Variants in TRIM33 observed in about 807,000 individuals in gnomAD.
TRIM33 encodes the protein E3 ubiquitin-protein ligase TRIM33.
In TRIM33, 20 loss-of-function variants were observed where a neutral mutation model predicts 125.4. That is an observed-to-expected ratio of 0.16 (90% CI 0.11 to 0.23). TRIM33 has a LOEUF of 0.23. Ranked by LOEUF, TRIM33 falls within the 10% of genes least tolerant of loss-of-function variation. The pLI, the probability that TRIM33 is intolerant of heterozygous loss-of-function variation, is 1.00. For synonymous variants in TRIM33, 564 were observed against 513.9 expected (o/e 1.10, Z -1.32); for missense variants, 920 against 1,411.4 (o/e 0.65, Z 5.58).
intron 1 of TRIM33, among the ~76,000 whole-genome samples, chr1:114,506,403 T>C (rs957979146): frequency 7.7e-6 from 1 of 129,824 alleles, no homozygotes; most frequent in South Asian, 2.5e-4. Flanking sequence ...AAAAAAAAAA[T>C]AGCAGAACCC....
At chr1:114,486,509 T>G (rs1370009012) in intron 1 of TRIM33, among the ~76,000 whole-genome samples, 2 of 133,758 alleles carry the variant, frequency 1.5e-5, no homozygotes, top group African/African-American at 2.9e-5. Flanking sequence ...ATCACACCAC[T>G]GCACTCCAGC....
intron 4 of TRIM33, among the ~76,000 whole-genome samples, chr1:114,448,824 G>A (rs568148598): frequency 1.6e-3 from 251 of 152,200 alleles, no homozygotes; most frequent in African/African-American, 5.9e-3. Flanking sequence ...TGGCCACAGA[G>A]AGGAATGCTT....
chr1:114,504,488 C>G (rs915040570), intron 1 of TRIM33, among the ~76,000 whole-genome samples: 1 of 152,170 alleles, frequency 6.6e-6, no homozygotes, highest in Non-Finnish European at 1.5e-5. Context: ...TCCATCATTG[C>G]TTTTGCACCA....
chr1:114,442,631 T>C (rs1332978456), intron 4 of TRIM33, among the ~76,000 whole-genome samples: 1 of 127,330 alleles, frequency 7.9e-6, no homozygotes, highest in Admixed American at 1.0e-4. Flanking sequence ...GAGGTTGCAG[T>C]AAGCCAAGAT....
At chr1:114,430,721 A>G (rs1647893055) in intron 6 of TRIM33, 77 bp downstream of exon 6, 1 of 823,846 alleles carries the variant, frequency 1.2e-6, no homozygotes. Flanking sequence ...TCCATCTAAA[A>G]TAGTTTTCAA....
intron 4 of TRIM33, among the ~76,000 whole-genome samples, chr1:114,451,353 C>T (rs1290030416): frequency 6.8e-6 from 1 of 147,078 alleles, no homozygotes; most frequent in Non-Finnish European, 1.5e-5. Flanking sequence ...TCCACCAAAT[C>T]TTCCATTCAT....
At position 114,407,076 on chromosome 1, in the gene TRIM33, A is replaced by T. The variant is rs780228846; in HGVS notation, c.2283T>A (p.Ala761=). 1 of 1,613,702 alleles carries T rather than the reference A, an allele frequency of 6.2e-7. No individual in the cohort carries two copies. Among genetic ancestry groups the T allele is most frequent in the Admixed American group, 1.7e-5 (1 of 59,980 alleles). The part of the protein sequence containing the change: ...RGSCGSSGRT[A]EKTSLSFKSD... ...ATTTGAAACTAAGACTTGTCTTCTC[A>T]GCAGTTCTTCCTGATGACCCACAGC... is the stretch of plus-strand genomic sequence containing the variant. Residue 761 remains alanine (A), a synonymous_variant, in exon 14 of 20, where the codon GCT becomes GCA. Coordinates refer to ENST00000358465, the MANE Select transcript of TRIM33 (RefSeq NM_015906.4).
rs192263931 is a variant in TRIM33 at position 114,464,242 on chromosome 1, G to A, written c.645+28C>T. 30 of 1,220,060 alleles carry A rather than the reference G, an allele frequency of 2.5e-5. No homozygotes were observed. The African/African-American group carries it at 4.1e-4, about 17-fold the overall frequency. 75.6% of individuals were successfully genotyped at this position (1,220,060 alleles called of 1,614,324 possible). ...AACTTACAGTTTGATATCAAGATAGGAATATAAAGAAAAATTGAGAAGCAT... is the reference window on the plus strand; with the variant it reads ...AACTTACAGTTTGATATCAAGATAGAAATATAAAGAAAAATTGAGAAGCAT... On this transcript the variant is annotated intron_variant, in intron 2 of 19. Transcript: ENST00000358465.
chr1:114,499,646 C>T (rs1002706975), intron 1 of TRIM33, among the ~76,000 whole-genome samples: 6 of 152,164 alleles, frequency 3.9e-5, no homozygotes, highest in African/African-American at 1.4e-4. Flanking sequence ...TGGCACCTGA[C>T]AGAAGCAAAT....
At chr1:114,455,718 C>T (rs370982867) in intron 4 of TRIM33, among the ~76,000 whole-genome samples, 2 of 152,102 alleles carry the variant, frequency 1.3e-5, no homozygotes, top group African/African-American at 4.8e-5. Context: ...CAATGAGAGC[C>T]CCAGCTAGTT....
At chr1:114,472,782 T>G (rs931384470) in intron 1 of TRIM33, among the ~76,000 whole-genome samples, 5 of 152,002 alleles carry the variant, frequency 3.3e-5, no homozygotes, top group Non-Finnish European at 7.4e-5. Context: ...CTTATAAAAA[T>G]TCACAAGCAT....
At chr1:114,412,528 C>G (rs1287615840) in intron 11 of TRIM33, among the ~76,000 whole-genome samples, 1 of 152,234 alleles carries the variant, frequency 6.6e-6, no homozygotes, top group Non-Finnish European at 1.5e-5. Flanking sequence ...ATCAATCCCT[C>G]TCTCAAACAA....
chr1:114,404,128 C>T (rs1272478093), intron 15 of TRIM33, among the ~76,000 whole-genome samples: 2 of 151,958 alleles, frequency 1.3e-5, no homozygotes, highest in East Asian at 3.9e-4. Flanking sequence ...ATTGTACTAA[C>T]CAATCTATTT....
chr1:114,461,223 T>C (rs1172030190), intron 4 of TRIM33, among the ~76,000 whole-genome samples: 1 of 137,302 alleles, frequency 7.3e-6, no homozygotes, highest in South Asian at 2.2e-4. Flanking sequence ...AAAATATATA[T>C]ATATATATAT....
intron 1 of TRIM33, among the ~76,000 whole-genome samples, chr1:114,476,405 G>A (rs1189307848): frequency 6.6e-6 from 1 of 151,836 alleles, no homozygotes; most frequent in Non-Finnish European, 1.5e-5. Context: ...AGCAGAAACA[G>A]TTCATACTCA....
intron 1 of TRIM33, among the ~76,000 whole-genome samples, chr1:114,465,545 T>C (rs1228266624): frequency 6.6e-6 from 1 of 152,136 alleles, no homozygotes; most frequent in Non-Finnish European, 1.5e-5. Context: ...AGGTGGCTCA[T>C]GCCTGTAATC....
At chr1:114,496,699 TG>T (rs1256487669) in intron 1 of TRIM33, among the ~76,000 whole-genome samples, 1 of 152,244 alleles carries the variant, frequency 6.6e-6, no homozygotes, top group African/African-American at 2.4e-5. Context: ...CTCATTTAAT[TG>T]GGAAAATTTT....
In TRIM33 at chr1:114,432,901, T is replaced by C. The variant is rs568537579; in HGVS notation, c.1040+716A>G. 3.3e-5 allele frequency among the ~76,000 whole-genome samples: 5 copies of C among 152,350 alleles called. No individual in the cohort carries two copies. In the South Asian group the frequency reaches 1.0e-3, roughly 32 times the overall value. On this transcript the variant is annotated intron_variant, in intron 5 of 19. Coordinates refer to ENST00000358465, the MANE Select transcript of TRIM33 (RefSeq NM_015906.4). ...ATTTTAATCATAAATTAATGAACTT[T>C]AATATTCATTAGAAGTCCTAATATT... is the stretch of plus-strand genomic sequence containing the variant.
Position 114,464,187 on chromosome 1 carries a change from G to T in TRIM33, c.645+83C>A, listed in dbSNP as rs151225392. On this transcript the variant is annotated intron_variant, in intron 2 of 19. Coordinates refer to ENST00000358465, the MANE Select transcript of TRIM33 (RefSeq NM_015906.4). ...AATCCATAGCAGAACCACCCTAAAT[G>T]ACTTAACTATCCAAACATGTTTTTC... The T allele has an allele frequency of 1.5e-5, 10 of 670,826 alleles. No individual in the cohort carries two copies. The East Asian group carries it at 2.7e-4, about 18-fold the overall frequency. 41.6% of individuals were successfully genotyped at this position (670,826 alleles called of 1,614,324 possible). A position where few individuals can be genotyped will look rare whatever the true frequency, so the allele number is the denominator to read the frequency against.
Sources: allele counts gnomAD v4.1 joint callset (sites outside exome capture counted in the v4.1 genomes callset), GRCh38; gene constraint gnomAD v4.1.1; transcripts MANE v1.5; gene names NCBI Gene and HGNC (gene_info 2026-07-23, HGNC 2026-07-21).